The following ZFHX3 variants were observed in gnomAD, a reference collection of about 807,000 sequenced individuals.
The protein encoded by ZFHX3 is zinc finger homeobox 3.
ZFHX3 carries 42 observed loss-of-function variants against 279.1 expected under a neutral mutation model. The ratio of observed to expected loss-of-function variants is 0.15; its 90% CI spans 0.12 to 0.19. The LOEUF is 0.19. ZFHX3 is among the 10% of genes least tolerant of loss of function. The pLI is 1.00. For missense variants in ZFHX3, 4,981 were observed against 4,754.0 expected, an observed-to-expected ratio of 1.05 and a Z score of -1.40; for synonymous variants, 2,293 against 1,957.8, an observed-to-expected ratio of 1.17 and a Z score of -4.52.
intron 1 of ZFHX3, among the ~76,000 whole-genome samples, chr16:73,849,686 C>T (rs1317237620): frequency 6.6e-6 from 1 of 152,160 alleles, no homozygotes; most frequent in Non-Finnish European, 1.5e-5. Context: ...TGTCAACATC[C>T]TGGATTTGCT....
At chr16:73,520,625 T>C (rs1055686513) in intron 2 of ZFHX3, among the ~76,000 whole-genome samples, 1 of 152,198 alleles carries the variant, frequency 6.6e-6, no homozygotes, top group African/African-American at 2.4e-5. Context: ...ACGCATTCTT[T>C]GTACAAACAT....
chr16:73,505,815 G>A (rs903883930), intron 2 of ZFHX3, among the ~76,000 whole-genome samples: 4 of 152,216 alleles, frequency 2.6e-5, no homozygotes, highest in Admixed American at 1.3e-4. Flanking sequence ...TTGAGGCATT[G>A]CAGAGCACAG....
intron 4 of ZFHX3, among the ~76,000 whole-genome samples, chr16:72,840,123 CA>C (rs11453519): frequency 0.02 from 2,734 of 137,392 alleles, 35 homozygotes; most frequent in African/African-American, 0.038. Flanking sequence ...ATGCTTAATG[CA>C]AAAAAAAAAA....
intron 3 of ZFHX3, among the ~76,000 whole-genome samples, chr16:73,411,630 T>C (rs1286636570): frequency 1.3e-5 from 2 of 152,212 alleles, no homozygotes. Context: ...TGTTTTAAAA[T>C]TTTAAAATTA....
intron 1 of ZFHX3, among the ~76,000 whole-genome samples, chr16:72,968,296 C>T (rs921602425): frequency 6.6e-6 from 1 of 152,138 alleles, no homozygotes; most frequent in South Asian, 2.1e-4. Flanking sequence ...GAAAGACAGA[C>T]TGAAGAACTG....
chr16:73,298,497 G>A (rs554501671), intron 4 of ZFHX3, among the ~76,000 whole-genome samples: 7 of 146,808 alleles, frequency 4.8e-5, no homozygotes, highest in East Asian at 2.0e-4. Flanking sequence ...TTATGTTGTC[G>A]TCGTTTTTTT....
At chr16:73,538,837 C>T (rs767301539) in intron 2 of ZFHX3, among the ~76,000 whole-genome samples, 1 of 152,192 alleles carries the variant, frequency 6.6e-6, no homozygotes, top group Admixed American at 6.5e-5. Context: ...TTTCTGCCAT[C>T]TTTTCAATAA....
At chr16:73,421,603 C>T (rs1416396735) in intron 3 of ZFHX3, among the ~76,000 whole-genome samples, 1 of 151,950 alleles carries the variant, frequency 6.6e-6, no homozygotes, top group Non-Finnish European at 1.5e-5. Context: ...TAAAAATCAA[C>T]AGAAAAAAAA....
chr16:73,801,768 G>A (rs920171963), intron 1 of ZFHX3, among the ~76,000 whole-genome samples: 7 of 152,146 alleles, frequency 4.6e-5, no homozygotes, highest in South Asian at 2.1e-4. Context: ...TTTTATATGC[G>A]AGTGTGGTCA....
chr16:73,450,236 A>C (rs969698445), intron 3 of ZFHX3, among the ~76,000 whole-genome samples: 2 of 152,200 alleles, frequency 1.3e-5, no homozygotes, highest in Non-Finnish European at 2.9e-5. Context: ...CAGTCTTCAT[A>C]ATCCCTTTTT....
intron 4 of ZFHX3, among the ~76,000 whole-genome samples, chr16:73,286,420 A>G (rs2014597576): frequency 6.6e-6 from 1 of 152,242 alleles, no homozygotes; most frequent in African/African-American, 2.4e-5. Context: ...CGTTCTTCAA[A>G]TACCTCAAGC....
intron 3 of ZFHX3, among the ~76,000 whole-genome samples, chr16:73,371,135 G>A (rs1300381996): frequency 5.3e-5 from 8 of 151,712 alleles, no homozygotes; most frequent in Non-Finnish European, 7.4e-5. Flanking sequence ...CAGCCTGGCC[G>A]ACATGGTGAA....
At chr16:72,850,509 G>A (rs1475533111) in intron 4 of ZFHX3, among the ~76,000 whole-genome samples, 5 of 152,192 alleles carry the variant, frequency 3.3e-5, no homozygotes, top group African/African-American at 2.4e-5. Context: ...TCTGGGCAGC[G>A]AGAAGTTTTT....
At chr16:73,578,972 G>C (rs188922085) in intron 2 of ZFHX3, among the ~76,000 whole-genome samples, 138 of 152,316 alleles carry the variant, frequency 9.1e-4, no homozygotes, top group Non-Finnish European at 4.7e-4. Flanking sequence ...TGAGAAGGGA[G>C]AGCCGGACAT....
rs2035421130 is a variant in ZFHX3 at position 72,787,162 on chromosome 16, G to A, written c.*2C>T. ...TTTGTTTGTATTGTTCATCTTCAAA[G>A]CTTACAATCTGAAGGTGTCCGTTCC... On this transcript the variant is annotated 3_prime_UTR_variant, in exon 10 of 10. Coordinates refer to ENST00000268489, the MANE Select transcript of ZFHX3 (RefSeq NM_006885.4). The A allele has an allele frequency of 6.6e-7, 1 of 1,511,708 alleles. No homozygotes were observed. The allele number at this position is 1,511,708 out of a possible 1,614,324, so 93.6% of individuals were successfully genotyped here.
intron 2 of ZFHX3, among the ~76,000 whole-genome samples, chr16:73,542,901 C>T (rs933228406): frequency 6.6e-6 from 1 of 152,094 alleles, no homozygotes; most frequent in Non-Finnish European, 1.5e-5. Flanking sequence ...TGGAACTTCA[C>T]TCTGTTGTGT....
intron 5 of ZFHX3, among the ~76,000 whole-genome samples, chr16:73,170,182 G>T (rs868608348): frequency 8.4e-5 from 12 of 142,966 alleles, no homozygotes; most frequent in African/African-American, 2.6e-4. Context: ...ATTTACTTTG[G>T]AATCAGCTGT....
At chr16:72,886,465 CACT>C (rs1479247218) in intron 4 of ZFHX3, among the ~76,000 whole-genome samples, 3 of 152,120 alleles carry the variant, frequency 2.0e-5, no homozygotes, top group Admixed American at 6.5e-5. Context: ...TCCACGGAAG[CACT>C]ACATTCCAAA....
chr16:73,795,913 T>C (rs898935895), intron 1 of ZFHX3, among the ~76,000 whole-genome samples: 1 of 152,168 alleles, frequency 6.6e-6, no homozygotes, highest in African/African-American at 2.4e-5. Context: ...CCCTATAAAA[T>C]TGCTGATATT....
Sources: allele counts gnomAD v4.1 joint callset (sites outside exome capture counted in the v4.1 genomes callset), GRCh38; gene constraint gnomAD v4.1.1; transcripts MANE v1.5; gene names NCBI Gene and HGNC (gene_info 2026-07-23, HGNC 2026-07-21).